The following ERC2 variants were observed in gnomAD, a reference collection of about 807,000 sequenced individuals.
ERC2 encodes ELKS/RAB6-interacting/CAST family member 2.
ERC2 carries 42 observed loss-of-function variants against 114.8 expected under a neutral mutation model. The ratio of observed to expected loss-of-function variants is 0.37; its 90% confidence interval spans 0.29 to 0.47. The LOEUF (loss-of-function observed/expected upper bound fraction) is 0.47, where lower values mean the gene tolerates loss of function less well. Among genes scored for constraint, ERC2 ranks in the 20% least tolerant of loss-of-function variants. ERC2 has a pLI of 0.99. For missense variants in ERC2, 939 were observed against 1,150.7 expected (o/e 0.82, Z 2.66); for synonymous variants, 454 against 425.5 (o/e 1.07, Z -0.82).
chr3:55,938,101 G>GTC (rs1341092933), intron 13 of ERC2, among the ~76,000 whole-genome samples: 1 of 149,888 alleles, frequency 6.7e-6, no homozygotes, highest in Non-Finnish European at 1.5e-5. Flanking sequence ...TCATGGTTCT[G>GTC]TCTGTCCATT....
intron 2 of ERC2, among the ~76,000 whole-genome samples, chr3:56,339,213 A>G (rs150875962): frequency 1.6e-3 from 241 of 152,348 alleles, no homozygotes; most frequent in African/African-American, 5.3e-3. Context: ...ACAACAGATC[A>G]TCACACAGCA....
At chr3:56,374,872 G>A (rs1462511883) in intron 2 of ERC2, among the ~76,000 whole-genome samples, 1 of 152,090 alleles carries the variant, frequency 6.6e-6, no homozygotes, top group Non-Finnish European at 1.5e-5. Flanking sequence ...GACTAATCCT[G>A]ATTATCTCAG....
intron 2 of ERC2, among the ~76,000 whole-genome samples, chr3:56,373,057 A>T (rs1235979922): frequency 2.0e-5 from 3 of 152,270 alleles, no homozygotes; most frequent in Non-Finnish European, 4.4e-5. Context: ...TACAGAATGT[A>T]AATTCTTTTA....
chr3:56,269,978 C>T (rs752835718), intron 3 of ERC2, among the ~76,000 whole-genome samples: 5 of 152,100 alleles, frequency 3.3e-5, no homozygotes, highest in Non-Finnish European at 7.4e-5. Context: ...GGAAGCCGTT[C>T]CAAGGACAGC....
Position 56,434,301 on chromosome 3 carries a change from A to G in ERC2, c.657+50T>C, listed in dbSNP as rs1302379739. The G allele has an allele frequency of 1.9e-6, 3 of 1,552,958 alleles. No individual in the cohort carries two copies. The South Asian group carries it at 3.5e-5, about 18-fold the overall frequency. On this transcript the variant is annotated intron_variant, in intron 2 of 17. Coordinates refer to ENST00000288221, the MANE Select transcript of ERC2 (RefSeq NM_015576.3). ...TGGTACCATCTGCAAAGCATCAACTACTCAGTGAGAAGCCAAGGCTGAAAA... is the reference window on the plus strand; with the variant it reads ...TGGTACCATCTGCAAAGCATCAACTGCTCAGTGAGAAGCCAAGGCTGAAAA...
At chr3:56,342,123 G>C (rs2058112322) in intron 2 of ERC2, among the ~76,000 whole-genome samples, 1 of 152,204 alleles carries the variant, frequency 6.6e-6, no homozygotes, top group South Asian at 2.1e-4. Context: ...CAGCTTTTCA[G>C]GCAACTCTCT....
chr3:55,539,688 A>G (rs762864536), intron 17 of ERC2, among the ~76,000 whole-genome samples: 185 of 151,472 alleles, frequency 1.2e-3, no homozygotes, highest in Non-Finnish European at 2.2e-3. Context: ...CGGCCTCCCA[A>G]AGTGCTGGGA....
intron 3 of ERC2, among the ~76,000 whole-genome samples, chr3:56,268,790 A>G (rs1004430207): frequency 2.6e-5 from 4 of 152,204 alleles, no homozygotes; most frequent in African/African-American, 7.2e-5. Flanking sequence ...TACTCCCCCA[A>G]TCTAACAAAA....
rs117630270 is a variant in ERC2, at chr3:55,741,868, G to A, written c.2565-6950C>T. Among the ~76,000 whole-genome samples, 50 of 152,190 alleles carry A rather than the reference G, an allele frequency of 3.3e-4. No individual in the cohort carries two copies. The East Asian group carries it at 9.5e-3, about 29-fold the overall frequency. On this transcript the variant is annotated intron_variant, in intron 14 of 17. Coordinates refer to ENST00000288221, the MANE Select transcript of ERC2 (RefSeq NM_015576.3). ...GTATCATAGACAGCATTTTATCAAC[G>A]TGCAGCCTAAACAAATGTCAAGGGG...
At chr3:55,900,952 T>C (rs933695439) in intron 13 of ERC2, among the ~76,000 whole-genome samples, 5 of 152,190 alleles carry the variant, frequency 3.3e-5, no homozygotes, top group Non-Finnish European at 5.9e-5. Flanking sequence ...TTTCAAGTGG[T>C]TTACTTTTTA....
At chr3:55,729,493 A>G (rs991354090) in intron 15 of ERC2, among the ~76,000 whole-genome samples, 2 of 152,020 alleles carry the variant, frequency 1.3e-5, no homozygotes, top group African/African-American at 4.8e-5. Flanking sequence ...CTTTTCTACC[A>G]TACAATTTAT....
rs970103210 is a variant in ERC2 at position 56,442,638 on chromosome 3, C to G, written c.-140-7491G>C. On this transcript the variant is annotated intron_variant, in intron 1 of 17. Coordinates refer to ENST00000288221, the MANE Select transcript of ERC2 (RefSeq NM_015576.3). Reference sequence around the variant, plus strand: ...AGGCTACTGGGGTTTTCGTTTTAACCCAAGATGTCTCAGAGACTTTTAGGA... The same window carrying G: ...AGGCTACTGGGGTTTTCGTTTTAACGCAAGATGTCTCAGAGACTTTTAGGA... 7.2e-5 allele frequency among the ~76,000 whole-genome samples: 11 copies of G among 152,124 alleles called. No homozygotes were observed. In the South Asian group the frequency reaches 1.7e-3, roughly 23 times the overall value.
rs2074597552 is a variant in ERC2 at position 56,033,330 on chromosome 3, T to C, written c.1642-14299A>G. On this transcript the variant is annotated intron_variant, in intron 7 of 17. Transcript: ENST00000288221. ...TAGTTATTTTTAATATTTTGTAGAGTAAAAAGTCATTTATGTTCCACTATT... is the reference window on the plus strand; with the variant it reads ...TAGTTATTTTTAATATTTTGTAGAGCAAAAAGTCATTTATGTTCCACTATT... Among the ~76,000 whole-genome samples the C allele has an allele frequency of 2.0e-5, 3 of 152,308 alleles. No individual in the cohort carries two copies. The South Asian group carries it at 6.2e-4, about 32-fold the overall frequency.
intron 2 of ERC2, among the ~76,000 whole-genome samples, chr3:56,337,928 C>T (rs951744105): frequency 1.3e-5 from 2 of 152,110 alleles, no homozygotes; most frequent in Non-Finnish European, 2.9e-5. Flanking sequence ...CCACATGGTG[C>T]AAAAAATTAA....
chr3:55,520,623 C>T (rs986476777), intron 17 of ERC2, among the ~76,000 whole-genome samples: 1 of 152,052 alleles, frequency 6.6e-6, no homozygotes, highest in Admixed American at 6.5e-5. Context: ...TTGACTATTT[C>T]AAGCTTGATA....
chr3:55,644,990 G>A (rs1272977322), intron 17 of ERC2, among the ~76,000 whole-genome samples: 1 of 152,048 alleles, frequency 6.6e-6, no homozygotes, highest in Non-Finnish European at 1.5e-5. Context: ...CATCTAGCGT[G>A]AGAACTTCCC....
At chr3:55,908,669 T>C (rs1221097084) in intron 13 of ERC2, among the ~76,000 whole-genome samples, 1 of 152,128 alleles carries the variant, frequency 6.6e-6, no homozygotes, top group Non-Finnish European at 1.5e-5. Flanking sequence ...TTCCTTGCTA[T>C]AAACTGAGCT....
intron 17 of ERC2, among the ~76,000 whole-genome samples, chr3:55,530,726 G>A (rs1008000151): frequency 2.6e-5 from 4 of 152,164 alleles, no homozygotes; most frequent in African/African-American, 9.7e-5. Context: ...AGGAAGAAAT[G>A]GTTGGAAATA....
chr3:56,284,577 T>C (rs2054554999), intron 3 of ERC2, among the ~76,000 whole-genome samples: 1 of 152,142 alleles, frequency 6.6e-6, no homozygotes, highest in Non-Finnish European at 1.5e-5. Context: ...GCAGTTCATG[T>C]AGAGAAATGT....
Sources: allele counts gnomAD v4.1 joint callset (sites outside exome capture counted in the v4.1 genomes callset), GRCh38; gene constraint gnomAD v4.1.1; transcripts MANE v1.5; gene names NCBI Gene and HGNC (gene_info 2026-07-23, HGNC 2026-07-21).